The following C7 variants were observed in gnomAD, a reference collection of about 807,000 sequenced individuals.
The protein encoded by C7 is complement C7, also known as complement component C7.
Under a neutral mutation model 104.8 loss-of-function variants are expected in C7, and 83 were observed. The observed-to-expected ratio is 0.79, with a 90% CI of 0.66 to 0.95. The LOEUF (loss-of-function observed/expected upper bound fraction) is 0.95, where lower values mean the gene tolerates loss of function less well. Ranked by LOEUF, C7 falls within the 40% of genes least tolerant of loss-of-function variation. The probability of loss-of-function intolerance (pLI) is 0.00; values close to 1 mark genes in which losing one functional copy is unlikely to be tolerated. For missense variants in C7, 1,070 were observed against 1,011.2 expected (o/e 1.06, Z -0.79); for synonymous variants, 415 against 360.6 (o/e 1.15, Z -1.71).
chr5:40,977,607 C>T lies in C7; in HGVS notation c.2165+767C>T, dbSNP rs2198041. On this transcript the variant is annotated intron_variant, in intron 16 of 17. Transcript: ENST00000313164. ...CATTTTAGGGACTTCAGAGGTCCCA[C>T]AGGCGTGAGCCAGGGGCATAAACAC... Among the ~76,000 whole-genome samples, 1,400 of 152,260 alleles carry T rather than the reference C, an allele frequency of 9.2e-3. 49 individuals carry two copies. In the East Asian group the frequency reaches 0.13, roughly 14 times the overall value.
intron 16 of C7, among the ~76,000 whole-genome samples, chr5:40,978,160 AGAACC>A (rs1740859232): frequency 7.1e-6 from 1 of 140,414 alleles, no homozygotes. Flanking sequence ...AAAAAAAAAA[AGAACC>A]AAAACACTAA....
intron 15 of C7, among the ~76,000 whole-genome samples, chr5:40,973,173 C>A (rs893969620): frequency 6.6e-6 from 1 of 152,064 alleles, no homozygotes; most frequent in Non-Finnish European, 1.5e-5. Flanking sequence ...TTAAAATGGT[C>A]TTTTAAGAAC....
At chr5:40,937,503 T>G in intron 5 of C7, 49 bp from the exon 6 acceptor site, 1 of 1,547,464 alleles carries the variant, frequency 6.5e-7, no homozygotes, top group Non-Finnish European at 8.7e-7. Flanking sequence ...CTATTTCTGG[T>G]TTTTAACGGC....
At chr5:40,945,604 A>G (rs1329535932) in intron 7 of C7, among the ~76,000 whole-genome samples, 3 of 152,076 alleles carry the variant, frequency 2.0e-5, no homozygotes, top group Non-Finnish European at 2.9e-5. Flanking sequence ...CACGCCTATA[A>G]TCCCAGCACT....
At chr5:40,977,577 A>C (rs1368476073) in intron 16 of C7, among the ~76,000 whole-genome samples, 2 of 152,012 alleles carry the variant, frequency 1.3e-5, no homozygotes, top group Admixed American at 6.6e-5. Flanking sequence ...AGGAGCTGAC[A>C]CTCTCATTTT....
intron 3 of C7, among the ~76,000 whole-genome samples, chr5:40,931,418 ACT>A (rs1239219911): frequency 1.3e-5 from 2 of 152,194 alleles, no homozygotes; most frequent in African/African-American, 2.4e-5. Flanking sequence ...CAATTTACTA[ACT>A]CTTTAACTAT....
chr5:40,939,634 AT>A (rs35554367), intron 6 of C7, among the ~76,000 whole-genome samples: 73 of 152,202 alleles, frequency 4.8e-4, no homozygotes, highest in East Asian at 1.4e-3. Flanking sequence ...TATACAGATA[AT>A]TTTTTTTCTC....
chr5:40,968,002 T>A (rs1304955213), intron 14 of C7, among the ~76,000 whole-genome samples: 2 of 152,234 alleles, frequency 1.3e-5, no homozygotes, highest in East Asian at 3.8e-4. Flanking sequence ...ATTGCTTCTG[T>A]CCCATTCTTC....
chr5:40,934,497 G>A (rs959911989), intron 4 of C7, 31 bp downstream of exon 4: 16 of 1,607,294 alleles, frequency 1.0e-5, no homozygotes, highest in Middle Eastern at 1.7e-4. Flanking sequence ...TCAGCATGCA[G>A]ATTGTAAATT....
intron 16 of C7, among the ~76,000 whole-genome samples, chr5:40,978,873 AT>A (rs372551834): frequency 0.021 from 1,703 of 79,954 alleles, 21 homozygotes; most frequent in African/African-American, 0.05. Context: ...TTTTATGGAA[AT>A]TTTTTTTTTT....
rs1740981870 is a variant in C7, at chr5:40,982,944, T to G, written c.*1371T>G. 1 of 152,394 alleles carries G rather than the reference T, an allele frequency of 6.6e-6. No individual in the cohort carries two copies. 9.4% of individuals were successfully genotyped at this position (152,394 alleles called of 1,614,324 possible). On this transcript the variant is annotated 3_prime_UTR_variant, in exon 18 of 18. Coordinates refer to ENST00000313164, the MANE Select transcript of C7 (RefSeq NM_000587.4). ...TAAAGATGCTATTCTTCAGAATTGTTTCATTTGTATGATGTTTCATTTTAG... is the reference window on the plus strand; with the variant it reads ...TAAAGATGCTATTCTTCAGAATTGTGTCATTTGTATGATGTTTCATTTTAG...
At chr5:40,946,714 C>T (rs1740057366) in intron 7 of C7, among the ~76,000 whole-genome samples, 3 of 152,022 alleles carry the variant, frequency 2.0e-5, no homozygotes, top group African/African-American at 4.8e-5. Context: ...TAGATTAATT[C>T]TCTTTTTCTA....
chr5:40,981,350 C>A (rs1317892814), intron 17 of C7, 42 bp from the exon 18 acceptor site: 3 of 1,574,282 alleles, frequency 1.9e-6, no homozygotes, highest in Non-Finnish European at 2.6e-6. Flanking sequence ...ACTCCCCGAC[C>A]TCCACAATGT....
intron 10 of C7, among the ~76,000 whole-genome samples, chr5:40,957,791 C>A (rs568103344): frequency 6.7e-6 from 1 of 148,254 alleles, no homozygotes; most frequent in Non-Finnish European, 1.5e-5. Flanking sequence ...TTAAATCTTA[C>A]GCATGCACAG....
intron 6 of C7, among the ~76,000 whole-genome samples, chr5:40,942,352 C>G (rs1255583169): frequency 6.6e-6 from 1 of 152,088 alleles, no homozygotes; most frequent in Non-Finnish European, 1.5e-5. Context: ...ATCAATCCAT[C>G]TAATCCACCC....
At chr5:40,924,916 G>A (rs1739520267) in intron 1 of C7, among the ~76,000 whole-genome samples, 1 of 152,224 alleles carries the variant, frequency 6.6e-6, no homozygotes, top group Non-Finnish European at 1.5e-5. Context: ...CTCCTGACCT[G>A]TGATGGGAGG....
Position 40,958,179 on chromosome 5 carries a change from G to C in C7, c.1407G>C (p.Glu469Asp), listed in dbSNP as rs531427544. 26 of 1,613,756 alleles carry C rather than the reference G, an allele frequency of 1.6e-5. No homozygotes were observed. The highest frequency in any genetic ancestry group is 5.0e-5 in the Admixed American group (3 of 59,996). The change falls in exon 11 of 18, where the codon GAG (glutamate) becomes GAC (aspartate). Residue 469 changes from glutamate (E) to aspartate (D), a missense_variant. Glu to Asp is a conservative substitution (Grantham distance 45). Coordinates refer to ENST00000313164, the MANE Select transcript of C7 (RefSeq NM_000587.4). ...PCQNGGLATV[E>D]GTHCLCHCKP... is the part of the protein sequence containing the mutation. Reference sequence around the variant, plus strand: ...AAAATGGTGGTTTGGCTACTGTTGAGGGGACCCATTGTCTGTGCCATTGCA... The same window carrying C: ...AAAATGGTGGTTTGGCTACTGTTGACGGGACCCATTGTCTGTGCCATTGCA...
chr5:40,972,967 T>C (rs1027387290), intron 15 of C7, among the ~76,000 whole-genome samples: 2 of 152,222 alleles, frequency 1.3e-5, no homozygotes, highest in African/African-American at 4.8e-5. Context: ...AGAGTTGAGA[T>C]CATAATTTAT....
chr5:40,914,245 G>A (rs1027607495), intron 1 of C7, among the ~76,000 whole-genome samples: 2 of 152,102 alleles, frequency 1.3e-5, no homozygotes, highest in African/African-American at 4.8e-5. Flanking sequence ...ATGCTTGTGA[G>A]CCATTTGTAT....
Sources: allele counts gnomAD v4.1 joint callset (sites outside exome capture counted in the v4.1 genomes callset), GRCh38; gene constraint gnomAD v4.1.1; transcripts MANE v1.5; gene names NCBI Gene and HGNC (gene_info 2026-07-23, HGNC 2026-07-21).